GPRC5B: variants seen among roughly 807,000 people sequenced by gnomAD.
The protein encoded by GPRC5B is G protein-coupled receptor family C group 5 member B.
Under a neutral mutation model 30.1 loss-of-function variants are expected in GPRC5B, and 16 were observed. The observed-to-expected ratio is 0.53, with a 90% CI of 0.36 to 0.81. The LOEUF (loss-of-function observed/expected upper bound fraction) is 0.81, where lower values mean the gene tolerates loss of function less well. GPRC5B is among the 30% of genes least tolerant of loss of function. GPRC5B has a pLI of 0.01. For missense variants in GPRC5B, 428 were observed against 544.7 expected, an observed-to-expected ratio of 0.79 and a Z score of 2.13; for synonymous variants, 241 against 239.5, an observed-to-expected ratio of 1.01 and a Z score of -0.06.
chr16:19,870,674 G>A (rs898632976), intron 2 of GPRC5B, among the ~76,000 whole-genome samples: 5 of 152,214 alleles, frequency 3.3e-5, no homozygotes, highest in African/African-American at 1.2e-4. Flanking sequence ...CAGCACATGG[G>A]TTGAAGACTC....
chr16:19,866,096 T>C (rs1191300245), intron 2 of GPRC5B, among the ~76,000 whole-genome samples: 1 of 151,288 alleles, frequency 6.6e-6, no homozygotes, highest in Non-Finnish European at 1.5e-5. Flanking sequence ...CCGGCTAATT[T>C]TTTTGTACTT....
intron 2 of GPRC5B, among the ~76,000 whole-genome samples, chr16:19,864,343 G>A (rs2056650336): frequency 6.6e-6 from 1 of 152,250 alleles, no homozygotes; most frequent in African/African-American, 2.4e-5. Context: ...TTTCTTTCTT[G>A]CTCTGTTGAA....
In GPRC5B at chr16:19,860,252, G is replaced by T. The variant is rs190334336; in HGVS notation, c.*248C>A. The T allele has an allele frequency of 1.2e-5, 6 of 488,684 alleles. No homozygotes were observed. The East Asian group carries it at 2.2e-4, about 18-fold the overall frequency. 30.3% of individuals were successfully genotyped at this position (488,684 alleles called of 1,614,324 possible). A position where few individuals can be genotyped will look rare whatever the true frequency, so the allele number is the denominator to read the frequency against. On this transcript the variant is annotated 3_prime_UTR_variant, in exon 4 of 4. Transcript: ENST00000300571. Reference sequence around the variant, plus strand: ...TTTGCAATTAGCTTTGCTTTAGTTTGCGGGGATTGAGGTTGGTCTGGTATT... The same window carrying T: ...TTTGCAATTAGCTTTGCTTTAGTTTTCGGGGATTGAGGTTGGTCTGGTATT...
intron 1 of GPRC5B, among the ~76,000 whole-genome samples, chr16:19,880,324 T>G (rs1386142302): frequency 6.6e-6 from 1 of 150,530 alleles, no homozygotes; most frequent in Non-Finnish European, 1.5e-5. Context: ...GTTTCCAAGC[T>G]CATGCCTGTA....
At chr16:19,866,079 A>T (rs1204007268) in intron 2 of GPRC5B, among the ~76,000 whole-genome samples, 2 of 152,130 alleles carry the variant, frequency 1.3e-5, no homozygotes, top group African/African-American at 4.8e-5. Context: ...GGCATGCGCC[A>T]CCACGCCCGG....
At chr16:19,871,281 CAAA>C (rs71375667) in intron 2 of GPRC5B, among the ~76,000 whole-genome samples, 20 of 70,346 alleles carry the variant, frequency 2.8e-4, no homozygotes, top group African/African-American at 6.0e-4. Flanking sequence ...GACCCTGTCT[CAAA>C]AAAAAAAAAA....
rs2056602633 is a variant in GPRC5B, at chr16:19,859,457, C to T, written c.*1043G>A. ...CATCCAGGAATTTTCACCATAGCAACGGAAAGGACCCGAGGTGTCACTGCT... is the reference window on the plus strand; with the variant it reads ...CATCCAGGAATTTTCACCATAGCAATGGAAAGGACCCGAGGTGTCACTGCT... On this transcript the variant is annotated 3_prime_UTR_variant, in exon 4 of 4. Coordinates refer to ENST00000300571, the MANE Select transcript of GPRC5B (RefSeq NM_016235.3). 1 of 152,208 alleles carries T rather than the reference C, an allele frequency of 6.6e-6. No homozygotes were observed. Among genetic ancestry groups the T allele is most frequent in the Admixed American group, 6.5e-5 (1 of 15,280 alleles). The allele number at this position is 152,208 out of a possible 1,614,324, so 9.4% of individuals were successfully genotyped here.
At chr16:19,879,424 ACACACAC>A (rs940450428) in intron 1 of GPRC5B, among the ~76,000 whole-genome samples, 6 of 145,052 alleles carry the variant, frequency 4.1e-5, no homozygotes, top group African/African-American at 1.7e-4. Context: ...TCACACACAC[ACACACAC>A]CACACACACA....
chr16:19,876,268 T>G (rs1229224685), intron 1 of GPRC5B, among the ~76,000 whole-genome samples: 2 of 152,182 alleles, frequency 1.3e-5, no homozygotes, highest in Non-Finnish European at 2.9e-5. Context: ...TTGTCACAAC[T>G]AGGGAGGGAG....
chr16:19,875,954 A>G (rs1164058041), intron 1 of GPRC5B, among the ~76,000 whole-genome samples: 1 of 152,210 alleles, frequency 6.6e-6, no homozygotes, highest in Non-Finnish European at 1.5e-5. Flanking sequence ...GAGGTGTCAG[A>G]ACAAAATGCC....
At chr16:19,875,709 G>A (rs2056755024) in intron 1 of GPRC5B, among the ~76,000 whole-genome samples, 1 of 152,148 alleles carries the variant, frequency 6.6e-6, no homozygotes, top group Non-Finnish European at 1.5e-5. Flanking sequence ...AACCTGGGAG[G>A]TGGAGGTTTC....
chr16:19,860,236 A>G lies in GPRC5B; in HGVS notation c.*264T>C, dbSNP rs936804954. 9 of 442,828 alleles carry G rather than the reference A, an allele frequency of 2.0e-5. No individual in the cohort carries two copies. In the Admixed American group the frequency reaches 3.2e-4, roughly 16 times the overall value. The allele number at this position is 442,828 out of a possible 1,614,324, so 27.4% of individuals were successfully genotyped here. A position where few individuals can be genotyped will look rare whatever the true frequency, so the allele number is the denominator to read the frequency against. On this transcript the variant is annotated 3_prime_UTR_variant, in exon 4 of 4. Coordinates refer to ENST00000300571, the MANE Select transcript of GPRC5B (RefSeq NM_016235.3). ...AGTGAGCCTAATACTATTTGCAATT[A>G]GCTTTGCTTTAGTTTGCGGGGATTG...
chr16:19,868,337 C>T (rs2056683493), intron 2 of GPRC5B, among the ~76,000 whole-genome samples: 1 of 151,828 alleles, frequency 6.6e-6, no homozygotes, highest in Non-Finnish European at 1.5e-5. Context: ...CATGCCATTG[C>T]ACTCCAGCCT....
rs768835018 is a variant in GPRC5B at position 19,871,922 on chromosome 16, G to A, written c.924C>T (p.Phe308=). 1.2e-5 allele frequency: 20 copies of A among 1,613,894 alleles called. No individual in the cohort carries two copies. The highest frequency in any genetic ancestry group is 1.1e-4 in the African/African-American group (8 of 74,908). ...CCCGCATCCTGGGCTGCGACGTGTCGAAGTAGTTGGGCGTGTTCTCCTGCA... is the reference window on the plus strand; with the variant it reads ...CCCGCATCCTGGGCTGCGACGTGTCAAAGTAGTTGGGCGTGTTCTCCTGCA... ...PALQENTPNY[F]DTSQPRMRET... Residue 308 remains phenylalanine, a synonymous_variant, in exon 2 of 4, where the codon TTC becomes TTT. Transcript: ENST00000300571.
chr16:19,883,577 G>C (rs2056824207), intron 1 of GPRC5B, among the ~76,000 whole-genome samples: 1 of 152,196 alleles, frequency 6.6e-6, no homozygotes, highest in African/African-American at 2.4e-5. Flanking sequence ...CACTTCTCTT[G>C]TCTTTGCGGG....
Position 19,858,694 on chromosome 16 carries a change from A to G in GPRC5B, c.*1806T>C, listed in dbSNP as rs1053625995. The G allele has an allele frequency of 9.4e-6, 4 of 424,894 alleles. No individual in the cohort carries two copies. The Admixed American group carries it at 1.8e-4, about 19-fold the overall frequency. The allele number at this position is 424,894 out of a possible 1,614,324, so 26.3% of individuals were successfully genotyped here. A position where few individuals can be genotyped will look rare whatever the true frequency, so the allele number is the denominator to read the frequency against. On this transcript the variant is annotated 3_prime_UTR_variant, in exon 4 of 4. Coordinates refer to ENST00000300571, the MANE Select transcript of GPRC5B (RefSeq NM_016235.3). ...GCTTCATTCCCTCCCACCCCTCCCC[A>G]GGACTCTTACGTTTTCTGTCCACGC...
chr16:19,861,739 T>C, intron 3 of GPRC5B, 98 bp downstream of exon 3: 1 of 1,000,044 alleles, frequency 1.0e-6, no homozygotes, highest in South Asian at 1.5e-5. Context: ...GCAGGCCACA[T>C]GGGCAGCCTC....
intron 1 of GPRC5B, among the ~76,000 whole-genome samples, chr16:19,884,089 C>T (rs1273962471): frequency 1.3e-5 from 2 of 148,760 alleles, no homozygotes; most frequent in South Asian, 2.2e-4. Flanking sequence ...CACTGCCCCC[C>T]CCGCCATTGT....
In GPRC5B at chr16:19,871,973, C is replaced by T. The variant is rs112610855; in HGVS notation, c.873G>A (p.Glu291=). 22 of 1,614,114 alleles carry T rather than the reference C, an allele frequency of 1.4e-5. No homozygotes were observed. Among genetic ancestry groups the T allele is most frequent in the African/African-American group, 9.3e-5 (7 of 75,034 alleles). Residue 291 remains glutamate, a synonymous_variant, in exon 2 of 4, where the codon GAG becomes GAA. Coordinates refer to ENST00000300571, the MANE Select transcript of GPRC5B (RefSeq NM_016235.3). ...GGGCTGGCAGAAGGGTGCAGTGGAT[C>T]TCAGGGATGGCGTGGAAGATGACGA... ...WVFVIFHAIP[E]IHCTLLPALQ...
Sources: allele counts gnomAD v4.1 joint callset (sites outside exome capture counted in the v4.1 genomes callset), GRCh38; gene constraint gnomAD v4.1.1; transcripts MANE v1.5; gene names NCBI Gene and HGNC (gene_info 2026-07-23, HGNC 2026-07-21).